Variants in ELF1 observed in about 807,000 individuals in gnomAD.
ELF1 encodes the protein E74 like ETS transcription factor 1, also known as ETS-related transcription factor Elf-1.
In ELF1, 24 loss-of-function variants were observed where a neutral mutation model predicts 59.9. The observed-to-expected ratio is 0.40, with a 90% CI of 0.29 to 0.56. The LOEUF (loss-of-function observed/expected upper bound fraction) is 0.56. Ranked by LOEUF, ELF1 falls within the 20% of genes least tolerant of loss-of-function variation. The pLI is 0.44. For synonymous variants in ELF1, 248 were observed against 266.2 expected, an observed-to-expected ratio of 0.93 and a Z score of 0.67; for missense variants, 627 against 742.2, an observed-to-expected ratio of 0.84 and a Z score of 1.80.
chr13:40,993,998 C>T (rs893650031), intron 1 of ELF1, among the ~76,000 whole-genome samples: 2 of 149,804 alleles, frequency 1.3e-5, no homozygotes, highest in East Asian at 1.9e-4. Flanking sequence ...TAGCTTCAAC[C>T]ATGCTAATAA....
chr13:40,988,479 C>T lies in ELF1; in HGVS notation c.-228-6197G>A, dbSNP rs1011624461. 4.6e-5 allele frequency among the ~76,000 whole-genome samples: 7 copies of T among 152,240 alleles called. No individual in the cohort carries two copies. The East Asian group carries it at 1.3e-3, about 29-fold the overall frequency. ...CAAATACCTAGCAAAAGTACCTTACCATACCCCAGTACAACTGTCAATTAA... is the reference window on the plus strand; with the variant it reads ...CAAATACCTAGCAAAAGTACCTTACTATACCCCAGTACAACTGTCAATTAA... On this transcript the variant is annotated intron_variant, in intron 1 of 8. Transcript: ENST00000239882.
chr13:41,060,204 G>A (rs1040384171), intron 1 of ELF1, among the ~76,000 whole-genome samples: 4 of 152,306 alleles, frequency 2.6e-5, no homozygotes, highest in African/African-American at 4.8e-5. Context: ...CCCCCCGGGA[G>A]GGCGCGGAAG....
Position 40,933,890 on chromosome 13 carries a change from C to A in ELF1, c.1395G>T (p.Lys465Asn), listed in dbSNP as rs749478443. The A allele has an allele frequency of 2.9e-5, 47 of 1,614,116 alleles. No homozygotes were observed. The highest frequency in any genetic ancestry group is 3.8e-5 in the Non-Finnish European group (45 of 1,180,050). Residue 465 changes from lysine to asparagine, a missense_variant, in exon 9 of 9, where the codon AAG (lysine) becomes AAT (asparagine). This residue lies in a region of ELF1 where 361 missense variants were observed against 396.1 expected (regional missense o/e 0.91). Transcript: ENST00000239882. ...ATGATGGAATGGCTTGTAAAATAAA[C>A]TTCTGAGATCCAGTACCTGCTGATG... is the stretch of plus-strand genomic sequence containing the variant. ...TDPSAGTGSQ[K>N]FILQAIPSSQ...
At chr13:40,960,334 T>A (rs1405487244) in intron 2 of ELF1, among the ~76,000 whole-genome samples, 1 of 152,226 alleles carries the variant, frequency 6.6e-6, no homozygotes, top group Non-Finnish European at 1.5e-5. Context: ...TAATAACTCC[T>A]TTAACCTGGA....
At chr13:41,034,384 G>A (rs371641754) in intron 1 of ELF1, among the ~76,000 whole-genome samples, 7 of 152,254 alleles carry the variant, frequency 4.6e-5, no homozygotes, top group South Asian at 4.1e-4. Context: ...TGCATAAGAC[G>A]TTAACATCAG....
chr13:40,936,883 G>A (rs1163055000), intron 8 of ELF1, among the ~76,000 whole-genome samples: 1 of 152,152 alleles, frequency 6.6e-6, no homozygotes, highest in Non-Finnish European at 1.5e-5. Context: ...GAGCTGGGAG[G>A]TGAAGGGAGC....
chr13:40,965,226 TC>T (rs1420678287), intron 2 of ELF1, among the ~76,000 whole-genome samples: 1 of 152,156 alleles, frequency 6.6e-6, no homozygotes, highest in Non-Finnish European at 1.5e-5. Context: ...ACAGACCCTT[TC>T]CCAAGATTTA....
chr13:40,999,768 A>AT (rs1478540120), intron 1 of ELF1, among the ~76,000 whole-genome samples: 15 of 152,160 alleles, frequency 9.9e-5, no homozygotes, highest in Admixed American at 9.8e-4. Flanking sequence ...TAAAATAGAG[A>AT]TTCTCAACAG....
chr13:40,984,170 T>A (rs1258813833), intron 1 of ELF1, among the ~76,000 whole-genome samples: 1 of 152,216 alleles, frequency 6.6e-6, no homozygotes, highest in Non-Finnish European at 1.5e-5. Context: ...AAACCTCTTC[T>A]GGGGAAATAA....
intron 1 of ELF1, among the ~76,000 whole-genome samples, chr13:41,014,709 G>T (rs1875256700): frequency 1.3e-5 from 2 of 152,066 alleles, no homozygotes; most frequent in African/African-American, 4.8e-5. Flanking sequence ...CCTAAGTAAA[G>T]GAGCAAAATA....
chr13:40,934,636 T>A (rs1252977527), intron 8 of ELF1, among the ~76,000 whole-genome samples: 3 of 152,172 alleles, frequency 2.0e-5, no homozygotes, highest in East Asian at 3.9e-4. Flanking sequence ...GTCAGGCTGG[T>A]CTCAAAGTCC....
intron 1 of ELF1, among the ~76,000 whole-genome samples, chr13:41,034,945 GTTCA>G (rs1178041404): frequency 6.6e-6 from 1 of 152,176 alleles, no homozygotes; most frequent in Non-Finnish European, 1.5e-5. Context: ...GAACTTGTTA[GTTCA>G]GAGCATTGTC....
exon 1 of ELF1, chr13:41,060,914 T>TGCCGCTGCCGCCGCCGCCGCCGCCGCC (rs1555283652): frequency 1.2e-5 from 4 of 335,536 alleles, no homozygotes; most frequent in African/African-American, 4.6e-5. Flanking sequence ...AAGCTGCTGC[T>TGCCGCTGCCGCCGCCGCCGCCGCCGCC]GCCGCCGCCG....
At chr13:40,936,600 A>G (rs1310504738) in intron 8 of ELF1, among the ~76,000 whole-genome samples, 3 of 151,726 alleles carry the variant, frequency 2.0e-5, no homozygotes, top group African/African-American at 2.4e-5. Flanking sequence ...AAAATACAAA[A>G]ATTAGCTGGG....
At chr13:41,047,447 T>C (rs541754997) in intron 1 of ELF1, among the ~76,000 whole-genome samples, 27 of 152,330 alleles carry the variant, frequency 1.8e-4, no homozygotes, top group African/African-American at 6.0e-4. Context: ...GACGTACAGA[T>C]GGGCTTTTGG....
intron 2 of ELF1, among the ~76,000 whole-genome samples, chr13:40,969,784 T>C (rs921001024): frequency 2.0e-5 from 3 of 152,166 alleles, no homozygotes; most frequent in Admixed American, 6.5e-5. Context: ...TGGCTCACTG[T>C]AGCCTCTACC....
At chr13:40,955,701 GCCGCC>G (rs1871312184) in intron 3 of ELF1, among the ~76,000 whole-genome samples, 1 of 130,812 alleles carries the variant, frequency 7.6e-6, no homozygotes, top group Non-Finnish European at 1.7e-5. Flanking sequence ...GGCCTGGCCA[GCCGCC>G]CCATCCGGGA....
chr13:40,996,473 A>G (rs545788912), intron 1 of ELF1, among the ~76,000 whole-genome samples: 3 of 152,378 alleles, frequency 2.0e-5, no homozygotes, highest in African/African-American at 7.2e-5. Flanking sequence ...TCAGCACTAA[A>G]GAGAAATAAG....
At chr13:41,046,758 G>C (rs1470796967) in intron 1 of ELF1, among the ~76,000 whole-genome samples, 1 of 152,158 alleles carries the variant, frequency 6.6e-6, no homozygotes, top group Non-Finnish European at 1.5e-5. Flanking sequence ...TGACGATTAT[G>C]TGTCTTAGAG....
Sources: allele counts gnomAD v4.1 joint callset (sites outside exome capture counted in the v4.1 genomes callset), GRCh38; gene constraint gnomAD v4.1.1; regional missense constraint gnomAD v4.1.1; transcripts MANE v1.5; gene names NCBI Gene and HGNC (gene_info 2026-07-23, HGNC 2026-07-21).